Variants in MBD5 observed in about 807,000 individuals in gnomAD.
The protein encoded by MBD5 is methyl-CpG binding domain protein 5.
A neutral mutation model predicts 117.3 loss-of-function variants in MBD5; 13 were observed. The observed-to-expected ratio is 0.11, with a 90% CI of 0.07 to 0.18. The LOEUF is 0.18. MBD5 is among the 10% of genes least tolerant of loss of function. The pLI, the probability that MBD5 is intolerant of heterozygous loss-of-function variation, is 1.00. For synonymous variants in MBD5, 727 were observed against 766.4 expected (o/e 0.95, Z 0.85); for missense variants, 1,879 against 2,093.8 (o/e 0.90, Z 2.00).
intron 1 of MBD5, chr2:148,044,699 G>A (rs1694466747): frequency 6.6e-6 from 1 of 151,978 alleles, no homozygotes; most frequent in Non-Finnish European, 1.5e-5. Context: ...GTTTATCTGT[G>A]TCTTTCTTAA....
chr2:148,441,525 T>C (rs570294920), intron 4 of MBD5, among the ~76,000 whole-genome samples: 115 of 152,352 alleles, frequency 7.5e-4, no homozygotes, highest in Admixed American at 1.8e-3. Context: ...TTTGGGTTTG[T>C]TCCAAGTCTT....
At chr2:148,333,965 G>A (rs1702724256) in intron 3 of MBD5, among the ~76,000 whole-genome samples, 1 of 152,190 alleles carries the variant, frequency 6.6e-6, no homozygotes, top group African/African-American at 2.4e-5. Context: ...TTGGCCAGTT[G>A]TGAATGGTGG....
In MBD5 at chr2:148,091,331, A is replaced by G. The variant is rs576524303; in HGVS notation, c.-925+69647A>G. On this transcript the variant is annotated intron_variant, in intron 1 of 13. Transcript: ENST00000642680. ...ATCCTCAAATTCATATAGAACCAAA[A>G]AAGAACCCGCATAGCCAAAGCAAGA... Among the ~76,000 whole-genome samples the G allele has an allele frequency of 1.2e-4, 19 of 152,262 alleles. No homozygotes were observed. The South Asian group carries it at 3.5e-3, about 28-fold the overall frequency.
chr2:148,176,308 T>G (rs1007613359), intron 1 of MBD5, among the ~76,000 whole-genome samples: 3 of 150,952 alleles, frequency 2.0e-5, no homozygotes, highest in Admixed American at 6.6e-5. Context: ...AGTTTTGTTT[T>G]TTTTTTTTTT....
intron 1 of MBD5, among the ~76,000 whole-genome samples, chr2:148,148,800 C>T (rs11897510): frequency 0.012 from 1,875 of 152,254 alleles, 44 homozygotes; most frequent in African/African-American, 0.043. Context: ...GTCTCAGAGA[C>T]AGCCCCTAAT....
intron 3 of MBD5, among the ~76,000 whole-genome samples, chr2:148,251,891 G>A (rs1003583090): frequency 3.3e-5 from 5 of 152,076 alleles, no homozygotes; most frequent in Admixed American, 6.6e-5. Context: ...AGATATCAGC[G>A]CAAAATAATA....
chr2:148,126,464 G>A (rs1696899979), intron 1 of MBD5, among the ~76,000 whole-genome samples: 1 of 151,398 alleles, frequency 6.6e-6, no homozygotes. Context: ...TAAAGATTTT[G>A]GATGAGGAAA....
chr2:148,345,037 A>G (rs997773404), intron 4 of MBD5, among the ~76,000 whole-genome samples: 13 of 151,944 alleles, frequency 8.6e-5, no homozygotes, highest in Non-Finnish European at 1.0e-4. Flanking sequence ...CCGTATACCA[A>G]GGTTGTAGAA....
At chr2:148,054,573 T>A (rs1007110911) in intron 1 of MBD5, 4 of 152,224 alleles carry the variant, frequency 2.6e-5, no homozygotes. Context: ...GGAGACTTTT[T>A]AGAACATTTT....
chr2:148,059,797 G>C (rs1694977238), intron 1 of MBD5, among the ~76,000 whole-genome samples: 1 of 151,144 alleles, frequency 6.6e-6, no homozygotes, highest in African/African-American at 2.4e-5. Context: ...AGTGAGCCAA[G>C]ATCGCGCCAC....
intron 1 of MBD5, among the ~76,000 whole-genome samples, chr2:148,023,401 A>G (rs1194708908): frequency 6.6e-6 from 1 of 152,254 alleles, no homozygotes. Flanking sequence ...GTGCAAAAGT[A>G]GACATTTACA....
chr2:148,047,024 C>G (rs1401026376), intron 1 of MBD5, among the ~76,000 whole-genome samples: 3 of 152,134 alleles, frequency 2.0e-5, no homozygotes, highest in Non-Finnish European at 4.4e-5. Flanking sequence ...ATGTTGTGCT[C>G]CTTCAGGTCT....
chr2:148,470,773 G>T (rs999392168), intron 8 of MBD5: 8 of 370,896 alleles, frequency 2.2e-5, no homozygotes, highest in Non-Finnish European at 3.8e-5. Flanking sequence ...ACGAGGCAGG[G>T]TTTCCTGGTT....
chr2:148,034,083 T>C (rs1197363950), intron 1 of MBD5, among the ~76,000 whole-genome samples: 1 of 152,050 alleles, frequency 6.6e-6, no homozygotes, highest in Non-Finnish European at 1.5e-5. Context: ...TAGTCCCAGG[T>C]CCTTTGGAGG....
chr2:148,329,780 T>C (rs1702582666), intron 3 of MBD5, among the ~76,000 whole-genome samples: 1 of 152,174 alleles, frequency 6.6e-6, no homozygotes, highest in Non-Finnish European at 1.5e-5. Context: ...TAATATCCAA[T>C]GTGTCAAGAC....
At chr2:148,221,721 T>C (rs1026933111) in intron 2 of MBD5, among the ~76,000 whole-genome samples, 5 of 152,168 alleles carry the variant, frequency 3.3e-5, no homozygotes, top group Non-Finnish European at 7.4e-5. Flanking sequence ...GTCTCTTCAC[T>C]TTGTTGTTTC....
intron 3 of MBD5, among the ~76,000 whole-genome samples, chr2:148,325,022 T>C (rs1486753584): frequency 6.6e-6 from 1 of 152,202 alleles, no homozygotes; most frequent in Non-Finnish European, 1.5e-5. Context: ...AATATCTAAT[T>C]TGTTGAGAGT....
intron 4 of MBD5, among the ~76,000 whole-genome samples, chr2:148,372,142 A>G (rs1156532876): frequency 6.6e-6 from 1 of 152,146 alleles, no homozygotes; most frequent in Non-Finnish European, 1.5e-5. Context: ...AAAGTCAGTG[A>G]TTTTGATTAC....
intron 2 of MBD5, among the ~76,000 whole-genome samples, chr2:148,210,319 A>T (rs183164090): frequency 6.6e-6 from 1 of 152,180 alleles, no homozygotes; most frequent in Admixed American, 6.5e-5. Flanking sequence ...AATGTTAAGG[A>T]TGTACCATTT....
Sources: allele counts gnomAD v4.1 joint callset (sites outside exome capture counted in the v4.1 genomes callset), GRCh38; gene constraint gnomAD v4.1.1; transcripts MANE v1.5; gene names NCBI Gene and HGNC (gene_info 2026-07-23, HGNC 2026-07-21).